Variants in NPR3 observed in about 807,000 individuals in gnomAD.
NPR3 encodes atrial natriuretic peptide receptor 3.
In NPR3, 34 loss-of-function variants were observed where a neutral mutation model predicts 54.5. The observed-to-expected ratio is 0.62, with a 90% confidence interval of 0.47 to 0.83. The LOEUF (loss-of-function observed/expected upper bound fraction) is 0.83, where lower values mean the gene tolerates loss of function less well. Among genes scored for constraint, NPR3 ranks in the 40% least tolerant of loss-of-function variants. The probability of loss-of-function intolerance (pLI) is 0.00; values close to 1 mark genes in which losing one functional copy is unlikely to be tolerated. For synonymous variants in NPR3, 289 were observed against 297.1 expected, an observed-to-expected ratio of 0.97 and a Z score of 0.28; for missense variants, 674 against 720.8, an observed-to-expected ratio of 0.94 and a Z score of 0.74.
At position 32,728,846 on chromosome 5, in the gene NPR3, T is replaced by TATATAC. The variant is rs1554014355; in HGVS notation, c.892+4031_892+4032insCATATA. On this transcript the variant is annotated intron_variant, in intron 2 of 7. Coordinates refer to ENST00000265074, the MANE Select transcript of NPR3 (RefSeq NM_001204375.2). ...GTGTGTGTGTGTGTGTGTATATATA[T>TATATAC]ATATATATATATATATATATATATA... Among the ~76,000 whole-genome samples, 38 of 112,512 alleles carry TATATAC rather than the reference T, an allele frequency of 3.4e-4. 1 individual carries two copies. The highest frequency in any genetic ancestry group is 5.0e-4 in the Non-Finnish European group (29 of 57,738). The allele number at this position is 112,512 out of a possible 152,430, so 73.8% of individuals were successfully genotyped here. A position where few individuals can be genotyped will look rare whatever the true frequency, so the allele number is the denominator to read the frequency against.
rs1175974859 is a variant in NPR3 at position 32,736,242 on chromosome 5, A to AAG, written c.893-2621_893-2620insGA. Among the ~76,000 whole-genome samples, 40 of 148,290 alleles carry AAG rather than the reference A, an allele frequency of 2.7e-4. 1 individual carries two copies. In the South Asian group the frequency reaches 5.5e-3, roughly 20 times the overall value. ...AGACACTCTGTCTCAAAAAAAAAAA[A>AAG]AAAAAAGAAAAAAAAAAGGAAAACA... On this transcript the variant is annotated intron_variant, in intron 2 of 7. Coordinates refer to ENST00000265074, the MANE Select transcript of NPR3 (RefSeq NM_001204375.2).
chr5:32,743,987 A>ATT (rs199604802), intron 3 of NPR3, among the ~76,000 whole-genome samples: 1,511 of 113,658 alleles, frequency 0.013, 55 homozygotes, highest in African/African-American at 0.029. Flanking sequence ...ATTCTGATGC[A>ATT]TTTTTTTTTT....
upstream of NPR3, among the ~76,000 whole-genome samples, chr5:32,707,742 C>T (rs1330803777): frequency 6.6e-6 from 1 of 152,068 alleles, no homozygotes; most frequent in Non-Finnish European, 1.5e-5. Context: ...GAGGTTGCAG[C>T]CAGGATGCCA....
intron 4 of NPR3, 30 bp from the exon 5 acceptor site, chr5:32,780,692 A>G (rs1742289866): frequency 2.0e-6 from 2 of 989,740 alleles, no homozygotes; most frequent in Non-Finnish European, 3.3e-6. Context: ...TAAGTAACCA[A>G]CGTTGAGTTC....
At chr5:32,756,840 G>C (rs1740870267) in intron 3 of NPR3, among the ~76,000 whole-genome samples, 2 of 152,230 alleles carry the variant, frequency 1.3e-5, no homozygotes, top group East Asian at 3.9e-4. Flanking sequence ...AGTTTTCCCA[G>C]CACCATTTAT....
rs568482165 is a variant in NPR3 at position 32,732,209 on chromosome 5, C to T, written c.893-6655C>T. ...TGAGCCGAGATTGCGCCACTGCAGTCCGCAGTCCGGCCTGGGCGACAGAGC... is the reference window on the plus strand; with the variant it reads ...TGAGCCGAGATTGCGCCACTGCAGTTCGCAGTCCGGCCTGGGCGACAGAGC... On this transcript the variant is annotated intron_variant, in intron 2 of 7. Coordinates refer to ENST00000265074, the MANE Select transcript of NPR3 (RefSeq NM_001204375.2). 5.4e-3 allele frequency among the ~76,000 whole-genome samples: 755 copies of T among 138,804 alleles called. 4 individuals are homozygous for T. The highest frequency in any genetic ancestry group is 6.3e-3 in the Non-Finnish European group (420 of 66,382). 91.1% of individuals were successfully genotyped at this position (138,804 alleles called of 152,430 possible).
At chr5:32,707,361 A>C (rs1401742492), upstream of NPR3, among the ~76,000 whole-genome samples, 1 of 152,144 alleles carries the variant, frequency 6.6e-6, no homozygotes, top group Non-Finnish European at 1.5e-5. Flanking sequence ...TTTATATAAT[A>C]GAAGAAAAAG....
rs2292025 is a variant in NPR3, at chr5:32,738,780, G to A, written c.893-84G>A. 0.064 allele frequency: 78,445 copies of A among 1,221,890 alleles called. 2,873 individuals carry two copies. The highest frequency in any genetic ancestry group is 0.073 in the Non-Finnish European group (62,876 of 864,302). The allele number at this position is 1,221,890 out of a possible 1,614,324, so 75.7% of individuals were successfully genotyped here. ...TTCCTGGTTGCCAAAAGTAACATGC[G>A]GGGGCGCCTCACAGTTGTGAAGGGA... On this transcript the variant is annotated intron_variant, in intron 2 of 7. Transcript: ENST00000265074.
chr5:32,740,749 T>C (rs930051208), intron 3 of NPR3, among the ~76,000 whole-genome samples: 2 of 152,192 alleles, frequency 1.3e-5, no homozygotes, highest in Admixed American at 6.5e-5. Context: ...AAATCCAGTG[T>C]GATTTTACAC....
Position 32,711,781 on chromosome 5 carries a change from C to T in NPR3, c.5C>T (p.Pro2Leu), listed in dbSNP as rs1020741873. Residue 2 changes from proline to leucine, a missense_variant, in exon 1 of 8, where the codon CCG (proline) becomes CTG (leucine). Coordinates refer to ENST00000265074, the MANE Select transcript of NPR3 (RefSeq NM_001204375.2). Reference sequence around the variant, plus strand: ...CAAGCTCTTTCTTGCGGCACGATGCCGTCTCTGCTGGTGCTCACTTTCTCC... The same window carrying T: ...CAAGCTCTTTCTTGCGGCACGATGCTGTCTCTGCTGGTGCTCACTTTCTCC... M[P>L]SLLVLTFSPC... 2.8e-6 allele frequency: 4 copies of T among 1,422,756 alleles called. No homozygotes were observed. Among genetic ancestry groups the T allele is most frequent in the Non-Finnish European group, 3.7e-6 (4 of 1,087,660 alleles). The allele number at this position is 1,422,756 out of a possible 1,614,324, so 88.1% of individuals were successfully genotyped here.
At chr5:32,734,567 C>G (rs1739630429) in intron 2 of NPR3, among the ~76,000 whole-genome samples, 1 of 152,282 alleles carries the variant, frequency 6.6e-6, no homozygotes, top group South Asian at 2.1e-4. Flanking sequence ...ATCCACCACT[C>G]CCCTGCAAGT....
chr5:32,719,791 T>G (rs903810334), intron 1 of NPR3, among the ~76,000 whole-genome samples: 43 of 151,246 alleles, frequency 2.8e-4, no homozygotes, highest in East Asian at 1.2e-3. Context: ...TGTTGTTGTT[T>G]TTTTTTTTTT....
chr5:32,725,398 A>AT (rs1739088253), intron 2 of NPR3, among the ~76,000 whole-genome samples: 1 of 152,222 alleles, frequency 6.6e-6, no homozygotes. Context: ...AATTTCTTGA[A>AT]TTTGCTTCAT....
intron 4 of NPR3, among the ~76,000 whole-genome samples, chr5:32,777,763 C>T (rs537284864): frequency 6.6e-5 from 10 of 152,254 alleles, no homozygotes; most frequent in African/African-American, 2.4e-4. Context: ...TAGCATTAGA[C>T]AGATTGTAGT....
rs1741961355 is a variant in NPR3 at position 32,774,859 on chromosome 5, A to G, written c.1195+16A>G. 1.9e-6 allele frequency: 3 copies of G among 1,601,436 alleles called. No individual in the cohort carries two copies. Among genetic ancestry groups the G allele is most frequent in the South Asian group, 2.2e-5 (2 of 90,788 alleles). On this transcript the variant is annotated intron_variant, in intron 4 of 7. Transcript: ENST00000265074. ...ACATTTGAAGGTGGGGATTCCATCTATAAGGCAATTACATGGGGCCAAATG... is the reference window on the plus strand; with the variant it reads ...ACATTTGAAGGTGGGGATTCCATCTGTAAGGCAATTACATGGGGCCAAATG...
At chr5:32,710,532 G>T, upstream of NPR3, 1 of 1,073,742 alleles carries the variant, frequency 9.3e-7, no homozygotes, top group Non-Finnish European at 1.3e-6. Flanking sequence ...CCGTGAGCTG[G>T]GACACTGTGA....
intron 3 of NPR3, among the ~76,000 whole-genome samples, chr5:32,747,901 G>A (rs548989706): frequency 6.6e-5 from 10 of 151,884 alleles, no homozygotes; most frequent in East Asian, 3.9e-4. Context: ...GACTATAGGC[G>A]TGCTTCCATG....
At chr5:32,743,419 T>C (rs1740134236) in intron 3 of NPR3, among the ~76,000 whole-genome samples, 1 of 152,118 alleles carries the variant, frequency 6.6e-6, no homozygotes. Context: ...TATTAAGTTC[T>C]ATGCAATTTT....
chr5:32,716,471 T>C, intron 1 of NPR3: 1 of 449,972 alleles, frequency 2.2e-6, no homozygotes, highest in South Asian at 1.6e-5. Context: ...GCAAGCTTTC[T>C]TTCCAGTCAT....
Sources: gnomAD v4.1 joint callset for allele counts (sites outside exome capture counted in the v4.1 genomes callset) on GRCh38, gnomAD v4.1.1 for gene constraint, MANE v1.5 for transcripts, NCBI Gene and HGNC (gene_info 2026-07-23, HGNC 2026-07-21) for gene names.